GSTCD: variants seen among roughly 807,000 people sequenced by gnomAD.
GSTCD encodes glutathione S-transferase C-terminal domain containing.
GSTCD carries 44 observed loss-of-function variants against 68.3 expected under a neutral mutation model. The ratio of observed to expected loss-of-function variants is 0.64; its 90% confidence interval spans 0.51 to 0.83. The LOEUF (loss-of-function observed/expected upper bound fraction) is 0.83, where lower values mean the gene tolerates loss of function less well. Ranked by LOEUF, GSTCD falls within the 40% of genes least tolerant of loss-of-function variation. The pLI, the probability that GSTCD is intolerant of heterozygous loss-of-function variation, is 0.00. For missense variants in GSTCD, 739 were observed against 735.9 expected, an observed-to-expected ratio of 1.00 and a Z score of -0.05; for synonymous variants, 273 against 255.2, an observed-to-expected ratio of 1.07 and a Z score of -0.67.
At chr4:105,823,393 A>G (rs1723411856) in intron 7 of GSTCD, 118 bp downstream of exon 7, 4 of 737,374 alleles carry the variant, frequency 5.4e-6, no homozygotes, top group Non-Finnish European at 9.4e-6. Context: ...AATATGTGGC[A>G]CAGGCATTGT....
Position 105,823,066 on chromosome 4 carries a change from TG to T in GSTCD, c.1356+1del, listed in dbSNP as rs753844266. On this transcript the variant is annotated frameshift_variant and splice_region_variant, in exon 6 of 12. Transcript: ENST00000515279. LOFTEE classifies it high-confidence loss of function. Reference sequence around the variant, plus strand: ...ACAGAATTGTGGATTTCTGCAGCGGTGGGGTATTTTATCTCTCCTTTCATCC... The same window carrying T: ...ACAGAATTGTGGATTTCTGCAGCGGTGGGTATTTTATCTCTCCTTTCATCC... ...GDRIVDFCSG[G>X]GHVGIVLAHM... 1 of 1,611,174 alleles carries T rather than the reference TG, an allele frequency of 6.2e-7. No homozygotes were observed. Among genetic ancestry groups the T allele is most frequent in the South Asian group, 1.1e-5 (1 of 91,000 alleles).
intron 5 of GSTCD, among the ~76,000 whole-genome samples, chr4:105,793,176 T>C (rs1735740382): frequency 6.6e-6 from 1 of 152,026 alleles, no homozygotes; most frequent in Non-Finnish European, 1.5e-5. Flanking sequence ...AATCAGCCGC[T>C]AGCAATTAAA....
intron 5 of GSTCD, among the ~76,000 whole-genome samples, chr4:105,806,507 C>T (rs1209082466): frequency 3.3e-5 from 5 of 152,016 alleles, no homozygotes; most frequent in Admixed American, 3.3e-4. Context: ...CTACTCTGAA[C>T]CTATCAATTA....
intron 5 of GSTCD, among the ~76,000 whole-genome samples, chr4:105,733,830 T>G (rs551984196): frequency 8.5e-5 from 13 of 152,312 alleles, no homozygotes; most frequent in South Asian, 8.3e-4. Flanking sequence ...GGTAGCGGTT[T>G]TTCCTTTCCA....
chr4:105,797,331 G>A (rs184069646), intron 5 of GSTCD, among the ~76,000 whole-genome samples: 2 of 151,898 alleles, frequency 1.3e-5, no homozygotes, highest in East Asian at 1.9e-4. Context: ...ATACCTTGGC[G>A]ATATTGCAGG....
chr4:105,802,482 A>AT (rs1299796079), intron 5 of GSTCD, among the ~76,000 whole-genome samples: 1 of 151,916 alleles, frequency 6.6e-6, no homozygotes, highest in Non-Finnish European at 1.5e-5. Context: ...TTTGTTTGTT[A>AT]TTTTTACCAT....
intron 5 of GSTCD, among the ~76,000 whole-genome samples, chr4:105,816,627 A>G (rs1269894805): frequency 1.3e-5 from 2 of 152,116 alleles, no homozygotes; most frequent in Non-Finnish European, 2.9e-5. Flanking sequence ...TCCCTAAGAT[A>G]TAATTACTAG....
intron 5 of GSTCD, among the ~76,000 whole-genome samples, chr4:105,789,931 A>G (rs1171377305): frequency 6.6e-6 from 1 of 151,900 alleles, no homozygotes; most frequent in Non-Finnish European, 1.5e-5. Flanking sequence ...TTCTCTAGTC[A>G]TTAAAAAAAA....
chr4:105,830,752 C>G (rs1408004013), intron 8 of GSTCD, among the ~76,000 whole-genome samples: 2 of 152,024 alleles, frequency 1.3e-5, no homozygotes. Flanking sequence ...TTTTACAGAG[C>G]TTTTGGGTAG....
chr4:105,722,689 A>T (rs1197194167), intron 3 of GSTCD, among the ~76,000 whole-genome samples: 1 of 151,952 alleles, frequency 6.6e-6, no homozygotes, highest in East Asian at 1.9e-4. Context: ...TTTATTGACA[A>T]TTAACTACAG....
intron 5 of GSTCD, among the ~76,000 whole-genome samples, chr4:105,785,655 T>C (rs1054865562): frequency 5.3e-5 from 8 of 152,068 alleles, no homozygotes; most frequent in Admixed American, 5.2e-4. Context: ...AAAAGACATC[T>C]ACCAAAAACC....
intron 5 of GSTCD, among the ~76,000 whole-genome samples, chr4:105,772,613 A>G (rs527931918): frequency 6.6e-6 from 1 of 152,294 alleles, no homozygotes; most frequent in African/African-American, 2.4e-5. Context: ...TATTGAGATA[A>G]TCATGTGGTT....
In GSTCD at chr4:105,729,513, T is replaced by A; in HGVS notation, c.1240+14T>A. The A allele has an allele frequency of 6.4e-7, 1 of 1,552,328 alleles. No homozygotes were observed. The highest frequency in any genetic ancestry group is 8.9e-7 in the Non-Finnish European group (1 of 1,127,166). On this transcript the variant is annotated intron_variant, in intron 5 of 11. Transcript: ENST00000515279. ...GCCCAAAGGAAGGTGAGTTTTCTTT[T>A]TTCTTTAAGTTTTATTCATACTTTG...
At chr4:105,805,692 G>T (rs1406266798) in intron 5 of GSTCD, among the ~76,000 whole-genome samples, 1 of 151,996 alleles carries the variant, frequency 6.6e-6, no homozygotes, top group Admixed American at 6.6e-5. Flanking sequence ...GAATAAAAAT[G>T]GGTCAGGAAG....
At chr4:105,769,370 A>G (rs1283062874) in intron 5 of GSTCD, among the ~76,000 whole-genome samples, 3 of 152,094 alleles carry the variant, frequency 2.0e-5, no homozygotes, top group Non-Finnish European at 4.4e-5. Flanking sequence ...CTGATAAAGG[A>G]AGCAGCTAGT....
intron 5 of GSTCD, among the ~76,000 whole-genome samples, chr4:105,806,439 T>A (rs1722499721): frequency 6.6e-6 from 1 of 152,086 alleles, no homozygotes; most frequent in South Asian, 2.1e-4. Context: ...ATATTATTGG[T>A]ACTGTTTTTA....
intron 1 of GSTCD, chr4:105,710,737 G>A (rs912580394): frequency 5.9e-5 from 9 of 152,182 alleles, no homozygotes; most frequent in African/African-American, 2.2e-4. Context: ...TTGGTAACAT[G>A]TTAGCCATTT....
chr4:105,799,879 G>A (rs542372191), intron 5 of GSTCD, among the ~76,000 whole-genome samples: 1 of 151,650 alleles, frequency 6.6e-6, no homozygotes, highest in East Asian at 1.9e-4. Context: ...ATAAGAAAGA[G>A]GTATATCTGC....
intron 9 of GSTCD, among the ~76,000 whole-genome samples, chr4:105,835,244 C>T (rs944511016): frequency 1.3e-5 from 2 of 152,154 alleles, no homozygotes; most frequent in Admixed American, 1.3e-4. Context: ...TTGCTTGGGC[C>T]CATTGGGCTC....
Sources: gnomAD v4.1 joint callset for allele counts (sites outside exome capture counted in the v4.1 genomes callset) on GRCh38, gnomAD v4.1.1 for gene constraint, MANE v1.5 for transcripts, NCBI Gene and HGNC (gene_info 2026-07-23, HGNC 2026-07-21) for gene names.